Variants in LAMA3 observed in about 807,000 individuals in gnomAD.
LAMA3 encodes the protein laminin subunit alpha-3.
LAMA3 carries 281 observed loss-of-function variants against 402.0 expected under a neutral mutation model. That is an observed-to-expected ratio of 0.70 (90% CI 0.63 to 0.77). LAMA3 has a LOEUF of 0.77. LAMA3 is among the 30% of genes least tolerant of loss of function. The probability of loss-of-function intolerance (pLI) is 0.00; values close to 1 mark genes in which losing one functional copy is unlikely to be tolerated. For synonymous variants in LAMA3, 1,431 were observed against 1,558.4 expected, an observed-to-expected ratio of 0.92 and a Z score of 1.93; for missense variants, 3,840 against 4,215.5, an observed-to-expected ratio of 0.91 and a Z score of 2.47.
rs190704241 is a variant in LAMA3 at position 23,824,597 on chromosome 18, C to T, written c.2571+32C>T. 9,375 of 1,611,192 alleles carry T rather than the reference C, an allele frequency of 5.8e-3. 30 individuals are homozygous for T. Among genetic ancestry groups the T allele is most frequent in the Non-Finnish European group, 7.1e-3 (8,369 of 1,177,636 alleles). ...CTTAGTTCTGAATGGAGAGCTCCTG[C>T]GGGATTCTTCCTACCTCAGAAGTGG... is the stretch of plus-strand genomic sequence containing the variant. On this transcript the variant is annotated intron_variant, in intron 21 of 74. Coordinates refer to ENST00000313654, the MANE Select transcript of LAMA3 (RefSeq NM_198129.4).
At chr18:23,802,254 G>A (rs1213407811) in intron 12 of LAMA3, among the ~76,000 whole-genome samples, 3 of 152,156 alleles carry the variant, frequency 2.0e-5, no homozygotes, top group South Asian at 2.1e-4. Context: ...CCAGCATTTC[G>A]GATAAGGGAT....
At position 23,775,804 on chromosome 18, in the gene LAMA3, A is replaced by C. The variant is rs547598653; in HGVS notation, c.1286A>C (p.Asp429Ala). The C allele has an allele frequency of 1.1e-5, 17 of 1,613,980 alleles. No homozygotes were observed. In the South Asian group the frequency reaches 1.8e-4, roughly 17 times the overall value. The change falls in exon 10 of 75, where the codon GAC (aspartate) becomes GCC (alanine). Residue 429 changes from aspartate to alanine, a missense_variant. Asp to Ala is a moderately radical substitution (Grantham distance 126). Coordinates refer to ENST00000313654, the MANE Select transcript of LAMA3 (RefSeq NM_198129.4). ...APDGCIPCSC[D>A]PEHADGCEQG... ...GGATTTCTCTTAGCCTGCAGCTGTG[A>C]CCCTGAGCATGCGGATGGCTGTGAA...
chr18:23,772,898 A>G (rs957304452), intron 8 of LAMA3, among the ~76,000 whole-genome samples: 3 of 152,252 alleles, frequency 2.0e-5, no homozygotes, highest in Non-Finnish European at 4.4e-5. Flanking sequence ...AATTACAAGG[A>G]TTAACCATGA....
intron 38 of LAMA3, among the ~76,000 whole-genome samples, chr18:23,874,093 T>C (rs148260198): frequency 0.01 from 1,584 of 152,238 alleles, 13 homozygotes; most frequent in South Asian, 0.068. Flanking sequence ...CAAAAGCAAA[T>C]TAAGATGGGT....
intron 60 of LAMA3, among the ~76,000 whole-genome samples, 198 bp from the exon 61 acceptor site, chr18:23,920,737 C>T (rs1463911678): frequency 1.3e-5 from 2 of 152,160 alleles, no homozygotes; most frequent in African/African-American, 2.4e-5. Context: ...AACCACTGTG[C>T]GTGACATTTA....
chr18:23,914,768 T>C lies in LAMA3; in HGVS notation c.7552T>C (p.Tyr2518His). Residue 2518 changes from tyrosine (Y) to histidine (H), a missense_variant, in exon 58 of 75, where the codon TAT (tyrosine) becomes CAT (histidine). By Grantham distance (83) the Tyr-to-His change is moderately conservative (BLOSUM62 2). Transcript: ENST00000313654. ...TSSKPETPGVYDMDGRNSNTL... is the reference protein window; with the variant it reads ...TSSKPETPGVHDMDGRNSNTL... Reference sequence around the variant, plus strand: ...CAGTAAACCAGAAACACCCGGAGTCTATGACATGGATGGTAGAAATAGCAA... The same window carrying C: ...CAGTAAACCAGAAACACCCGGAGTCCATGACATGGATGGTAGAAATAGCAA... The C allele has an allele frequency of 6.2e-7, 1 of 1,613,540 alleles. No individual in the cohort carries two copies. Among genetic ancestry groups the C allele is most frequent in the South Asian group, 1.1e-5 (1 of 91,070 alleles).
At chr18:23,909,699 A>G (rs1486432905) in intron 55 of LAMA3, among the ~76,000 whole-genome samples, 1 of 152,212 alleles carries the variant, frequency 6.6e-6, no homozygotes, top group East Asian at 1.9e-4. Flanking sequence ...CTGAGGATGG[A>G]GGATTTAAGA....
chr18:23,908,754 G>GT (rs2081339384), intron 54 of LAMA3, among the ~76,000 whole-genome samples: 1 of 152,036 alleles, frequency 6.6e-6, no homozygotes. Flanking sequence ...TATATACTAT[G>GT]TTTTTTCGAT....
Position 23,857,892 on chromosome 18 carries a change from G to T in LAMA3, c.4185G>T (p.Gly1395=), listed in dbSNP as rs2064121139. The change falls in exon 33 of 75, where the codon GGG becomes GGT. Residue 1395 remains glycine, a synonymous_variant. Transcript: ENST00000313654. ...TGRQCDRCAS[G]FYRFPECVPC... ...GGCAGTGTGACCGATGTGCTTCCGG[G>T]TTTTACCGCTTTCCTGAGTGTGTTC... The T allele has an allele frequency of 2.5e-6, 4 of 1,614,088 alleles. No individual in the cohort carries two copies. The highest frequency in any genetic ancestry group is 3.4e-6 in the Non-Finnish European group (4 of 1,180,046).
chr18:23,749,895 A>T (rs2061714515), intron 4 of LAMA3, among the ~76,000 whole-genome samples: 1 of 152,128 alleles, frequency 6.6e-6, no homozygotes, highest in Non-Finnish European at 1.5e-5. Context: ...ACCCCGTAAG[A>T]GTGAGGAGAG....
chr18:23,752,420 T>C (rs1009506237), intron 5 of LAMA3, among the ~76,000 whole-genome samples: 3 of 152,222 alleles, frequency 2.0e-5, no homozygotes, highest in Non-Finnish European at 4.4e-5. Flanking sequence ...ATTAAATAAT[T>C]GTTTTATGGA....
intron 2 of LAMA3, among the ~76,000 whole-genome samples, chr18:23,741,314 A>T (rs570502587): frequency 2.0e-5 from 3 of 152,132 alleles, no homozygotes; most frequent in East Asian, 3.9e-4. Flanking sequence ...TTGCTGAACT[A>T]TTGGCAGATG....
chr18:23,862,013 G>A (rs1394299860), intron 35 of LAMA3, among the ~76,000 whole-genome samples: 1 of 152,198 alleles, frequency 6.6e-6, no homozygotes, highest in Non-Finnish European at 1.5e-5. Flanking sequence ...CCATTGCCAT[G>A]CATGAGCTAC....
intron 8 of LAMA3, among the ~76,000 whole-genome samples, chr18:23,771,740 A>G (rs943128704): frequency 2.0e-5 from 3 of 152,224 alleles, no homozygotes; most frequent in African/African-American, 7.2e-5. Context: ...ATTATGTGAT[A>G]AAGCAAATAT....
At chr18:23,715,325 A>G (rs910520306) in intron 2 of LAMA3, among the ~76,000 whole-genome samples, 1 of 149,244 alleles carries the variant, frequency 6.7e-6, no homozygotes, top group East Asian at 1.9e-4. Context: ...TGTTTCAAGA[A>G]AAAAAAAAAG....
chr18:23,705,547 C>T (rs751848138), intron 1 of LAMA3, among the ~76,000 whole-genome samples: 15 of 151,726 alleles, frequency 9.9e-5, no homozygotes, highest in Admixed American at 2.6e-4. Flanking sequence ...ATATTTGAGA[C>T]AGGGTCTCAC....
chr18:23,744,939 C>A (rs2061625831), intron 2 of LAMA3, among the ~76,000 whole-genome samples: 9 of 151,128 alleles, frequency 6.0e-5, no homozygotes, highest in Admixed American at 5.9e-4. Context: ...CATATGTAAT[C>A]CTTGATTAAA....
At chr18:23,792,406 A>G (rs2062676233) in intron 12 of LAMA3, among the ~76,000 whole-genome samples, 2 of 152,218 alleles carry the variant, frequency 1.3e-5, no homozygotes, top group Admixed American at 1.3e-4. Context: ...ACGATGAGAC[A>G]GGATGCAAGA....
At chr18:23,889,934 G>T in intron 41 of LAMA3, 77 bp from the exon 42 acceptor site, 1 of 1,057,948 alleles carries the variant, frequency 9.5e-7, no homozygotes. Flanking sequence ...CAAACAGAGA[G>T]CTAGAGATTG....
Sources: allele counts gnomAD v4.1 joint callset (sites outside exome capture counted in the v4.1 genomes callset), GRCh38; gene constraint gnomAD v4.1.1; transcripts MANE v1.5; gene names NCBI Gene and HGNC (gene_info 2026-07-23, HGNC 2026-07-21).